SGCD: variants seen among roughly 807,000 people sequenced by gnomAD.
SGCD encodes the protein delta-sarcoglycan.
SGCD carries 18 observed loss-of-function variants against 36.6 expected under a neutral mutation model. That is an observed-to-expected ratio of 0.49 (90% CI 0.34 to 0.73). The LOEUF (loss-of-function observed/expected upper bound fraction) is 0.73. Among genes scored for constraint, SGCD ranks in the 30% least tolerant of loss-of-function variants. The pLI is 0.01. For synonymous variants in SGCD, 133 were observed against 130.6 expected (o/e 1.02, Z -0.12); for missense variants, 387 against 346.7 (o/e 1.12, Z -0.92).
the SGCD span, among the ~76,000 whole-genome samples, chr5:155,772,136 G>A: frequency 6.6e-6 from 1 of 152,100 alleles, no homozygotes; most frequent in Middle Eastern, 3.2e-3. Context: ...TTCAGAACTT[G>A]CCTCTTCCTG....
At chr5:155,882,062 A>G (rs1027596871) in intron 1 of SGCD, among the ~76,000 whole-genome samples, 1 of 152,092 alleles carries the variant, frequency 6.6e-6, no homozygotes, top group African/African-American at 2.4e-5. Context: ...AACTTCTGTT[A>G]ATGTTGCTAT....
At chr5:156,094,653 C>T (rs1426198199) in intron 1 of SGCD, among the ~76,000 whole-genome samples, 13 of 152,134 alleles carry the variant, frequency 8.5e-5, no homozygotes. Flanking sequence ...TAGCTGTAAG[C>T]CCTTCAGTTG....
intron 3 of SGCD, among the ~76,000 whole-genome samples, chr5:156,293,353 C>CTTGCAT (rs1235074533): frequency 6.6e-6 from 1 of 151,922 alleles, no homozygotes; most frequent in Non-Finnish European, 1.5e-5. Context: ...TTAAAATTTT[C>CTTGCAT]TTGCCTTTGC....
the SGCD span, among the ~76,000 whole-genome samples, chr5:155,731,576 A>G: frequency 6.6e-6 from 1 of 152,164 alleles, no homozygotes; most frequent in Non-Finnish European, 1.5e-5. Context: ...CAAGTGTAGG[A>G]AGTTTAGATT....
chr5:155,954,593 A>G (rs1424360976), intron 1 of SGCD, among the ~76,000 whole-genome samples: 1 of 148,604 alleles, frequency 6.7e-6, no homozygotes, highest in East Asian at 2.0e-4. Flanking sequence ...TTAAATGACT[A>G]GAATATAAAA....
At chr5:156,592,422 C>G (rs2113379947) in intron 5 of SGCD, among the ~76,000 whole-genome samples, 1 of 152,236 alleles carries the variant, frequency 6.6e-6, no homozygotes, top group Non-Finnish European at 1.5e-5. Flanking sequence ...AAGAAGATAG[C>G]TACATCTTAG....
chr5:156,430,538 C>A (rs1042897160), intron 3 of SGCD, among the ~76,000 whole-genome samples: 2 of 151,960 alleles, frequency 1.3e-5, no homozygotes, highest in Non-Finnish European at 2.9e-5. Flanking sequence ...CTTGTGTGAT[C>A]TTTTTGGGGT....
intron 3 of SGCD, among the ~76,000 whole-genome samples, chr5:156,346,974 T>A (rs1374552781): frequency 6.6e-6 from 1 of 151,940 alleles, no homozygotes; most frequent in Non-Finnish European, 1.5e-5. Flanking sequence ...ATTTTTTGTA[T>A]TTTTAGTAGA....
chr5:156,084,490 C>T (rs149136126), intron 1 of SGCD, among the ~76,000 whole-genome samples: 7 of 152,204 alleles, frequency 4.6e-5, no homozygotes, highest in South Asian at 2.1e-4. Context: ...GCTTAGCTCC[C>T]GAAATCATAA....
chr5:156,752,189 G>A lies in SGCD; in HGVS notation c.576-5392G>A, dbSNP rs146542084. 1.1e-4 allele frequency among the ~76,000 whole-genome samples: 16 copies of A among 152,300 alleles called. No homozygotes were observed. In the South Asian group the frequency reaches 1.5e-3, roughly 14 times the overall value. On this transcript the variant is annotated intron_variant, in intron 7 of 8. Coordinates refer to ENST00000337851, the MANE Select transcript of SGCD (RefSeq NM_000337.6). ...GAATTATAAAGTGGAATTATTCTGC[G>A]TGTGAAGTATGCAATAGTAGTGTAT... is the stretch of plus-strand genomic sequence containing the variant.
At chr5:156,223,805 A>T (rs1465902545) in intron 3 of SGCD, among the ~76,000 whole-genome samples, 2 of 151,996 alleles carry the variant, frequency 1.3e-5, no homozygotes, top group Non-Finnish European at 2.9e-5. Flanking sequence ...CAGGATGTAG[A>T]TTGTGTGACA....
chr5:155,732,829 TC>T, the SGCD span, among the ~76,000 whole-genome samples: 1 of 152,080 alleles, frequency 6.6e-6, no homozygotes, highest in Non-Finnish European at 1.5e-5. Flanking sequence ...CTGGATCCCT[TC>T]CAGACAGCTT....
the SGCD span, among the ~76,000 whole-genome samples, chr5:155,744,798 A>G: frequency 3.3e-5 from 5 of 152,240 alleles, no homozygotes; most frequent in Non-Finnish European, 7.3e-5. Context: ...GAATCCCAGA[A>G]AAAGAGCAAA....
At chr5:155,928,353 C>T (rs1757032772) in intron 1 of SGCD, among the ~76,000 whole-genome samples, 1 of 152,096 alleles carries the variant, frequency 6.6e-6, no homozygotes, top group Admixed American at 6.6e-5. Context: ...ATAAATGTGG[C>T]TTGTCTTTAC....
At chr5:156,187,750 C>A (rs1032339959) in intron 3 of SGCD, among the ~76,000 whole-genome samples, 1 of 152,036 alleles carries the variant, frequency 6.6e-6, no homozygotes, top group Non-Finnish European at 1.5e-5. Context: ...TGGGAAAGAC[C>A]TTGAATGAGA....
At chr5:156,333,290 A>G (rs1283635694) in intron 2 of SGCD, among the ~76,000 whole-genome samples, 3 of 152,206 alleles carry the variant, frequency 2.0e-5, no homozygotes, top group East Asian at 3.8e-4. Context: ...GTAAAAATTT[A>G]TAGGTTTTAG....
intron 7 of SGCD, among the ~76,000 whole-genome samples, chr5:156,709,715 T>C (rs570553895): frequency 1.5e-3 from 233 of 152,298 alleles, no homozygotes; most frequent in African/African-American, 5.5e-3. Flanking sequence ...ATTAGTAATA[T>C]TGCCAGGAAA....
chr5:155,893,986 T>A (rs1455414175), intron 1 of SGCD, among the ~76,000 whole-genome samples: 1 of 152,148 alleles, frequency 6.6e-6, no homozygotes, highest in Non-Finnish European at 1.5e-5. Context: ...AATAAAAATA[T>A]GGTATAAAAG....
chr5:156,132,711 G>T (rs1355650133), intron 3 of SGCD, among the ~76,000 whole-genome samples: 2 of 151,382 alleles, frequency 1.3e-5, no homozygotes, highest in Non-Finnish European at 2.9e-5. Context: ...CTCGTGATCC[G>T]CCCGCCTCGG....
Sources: gnomAD v4.1 joint callset for allele counts (sites outside exome capture counted in the v4.1 genomes callset) on GRCh38, gnomAD v4.1.1 for gene constraint, MANE v1.5 for transcripts, NCBI Gene and HGNC (gene_info 2026-07-23, HGNC 2026-07-21) for gene names.